Variants in C8orf34 observed in about 807,000 individuals in gnomAD.
C8orf34 encodes chromosome 8 open reading frame 34, also known as uncharacterized protein C8orf34.
Under a neutral mutation model 68.3 loss-of-function variants are expected in C8orf34, and 65 were observed. The ratio of observed to expected loss-of-function variants is 0.95; its 90% CI spans 0.78 to 1.17. The LOEUF (loss-of-function observed/expected upper bound fraction) is 1.17. Among genes scored for constraint, C8orf34 ranks in the 50% most tolerant of loss-of-function variants. The pLI is 0.00. For missense variants in C8orf34, 664 were observed against 655.4 expected, an observed-to-expected ratio of 1.01 and a Z score of -0.14; for synonymous variants, 244 against 241.2, an observed-to-expected ratio of 1.01 and a Z score of -0.11.
At chr8:68,770,288 G>A (rs1177729058) in intron 10 of C8orf34, among the ~76,000 whole-genome samples, 3 of 152,148 alleles carry the variant, frequency 2.0e-5, no homozygotes, top group Non-Finnish European at 2.9e-5. Context: ...AAGATACCAT[G>A]CCTAATAATT....
At chr8:68,523,386 T>G (rs952488777) in intron 6 of C8orf34, among the ~76,000 whole-genome samples, 2 of 152,186 alleles carry the variant, frequency 1.3e-5, no homozygotes, top group East Asian at 1.9e-4. Flanking sequence ...CTAGCTTCAG[T>G]GAGCTCTTAT....
At chr8:68,687,146 C>T (rs1321211376) in intron 8 of C8orf34, among the ~76,000 whole-genome samples, 2 of 152,070 alleles carry the variant, frequency 1.3e-5, no homozygotes, top group African/African-American at 2.4e-5. Context: ...ACATCCCATG[C>T]TAATAGATGG....
At chr8:68,398,384 C>T (rs1397490026) in intron 1 of C8orf34, among the ~76,000 whole-genome samples, 1 of 152,050 alleles carries the variant, frequency 6.6e-6, no homozygotes, top group Non-Finnish European at 1.5e-5. Flanking sequence ...TAAATATATG[C>T]TCATAGGTTG....
intron 1 of C8orf34, among the ~76,000 whole-genome samples, chr8:68,385,404 T>A (rs549411204): frequency 6.6e-6 from 1 of 152,168 alleles, no homozygotes; most frequent in Non-Finnish European, 1.5e-5. Context: ...AGGAATAGCA[T>A]TTTTAGTTTT....
intron 5 of C8orf34, among the ~76,000 whole-genome samples, chr8:68,498,610 G>A (rs1377247259): frequency 2.0e-5 from 3 of 152,102 alleles, no homozygotes; most frequent in Admixed American, 6.6e-5. Context: ...TGTGCTTTGC[G>A]TGATATACAG....
chr8:68,576,253 A>G (rs1347383), intron 7 of C8orf34, among the ~76,000 whole-genome samples: 35 of 151,842 alleles, frequency 2.3e-4, no homozygotes, highest in Non-Finnish European at 4.4e-4. Flanking sequence ...CATTGTAATT[A>G]TGTAGATGTA....
At chr8:68,794,592 C>T (rs981434159) in intron 12 of C8orf34, among the ~76,000 whole-genome samples, 3 of 146,822 alleles carry the variant, frequency 2.0e-5, no homozygotes, top group Non-Finnish European at 4.5e-5. Context: ...GCAGCCTCAA[C>T]CTTCTGGGGC....
chr8:68,396,141 A>G (rs1808696310), intron 1 of C8orf34, among the ~76,000 whole-genome samples: 1 of 152,008 alleles, frequency 6.6e-6, no homozygotes, highest in Non-Finnish European at 1.5e-5. Context: ...CAACCCCTGC[A>G]CACTGTGACC....
intron 10 of C8orf34, among the ~76,000 whole-genome samples, chr8:68,740,736 G>C (rs984171785): frequency 2.0e-5 from 3 of 152,002 alleles, no homozygotes; most frequent in Admixed American, 2.0e-4. Context: ...CCCATTACTG[G>C]GTATATTCTC....
In C8orf34 at chr8:68,703,792, T is replaced by A. The variant is rs138404594; in HGVS notation, c.1242-5202T>A. Among the ~76,000 whole-genome samples the A allele has an allele frequency of 1.8e-3, 268 of 152,120 alleles. 1 individual carries two copies. Among genetic ancestry groups the A allele is most frequent in the African/African-American group, 6.2e-3 (259 of 41,498 alleles). ...TGTGTTGCCTTTCCTCCTTTCATGT[T>A]TTATACTCATGTCCCTCACTCCTGC... is the stretch of plus-strand genomic sequence containing the variant. On this transcript the variant is annotated intron_variant, in intron 8 of 13. Transcript: ENST00000518698.
intron 12 of C8orf34, among the ~76,000 whole-genome samples, chr8:68,810,910 C>G (rs995828041): frequency 6.6e-6 from 1 of 152,184 alleles, no homozygotes; most frequent in African/African-American, 2.4e-5. Flanking sequence ...CTAGGAGAAG[C>G]ATCATAAGTT....
At chr8:68,627,075 A>C (rs1042836386) in intron 7 of C8orf34, among the ~76,000 whole-genome samples, 2 of 152,142 alleles carry the variant, frequency 1.3e-5, no homozygotes, top group African/African-American at 2.4e-5. Flanking sequence ...ATTTGAAAAA[A>C]ATTACACATT....
rs1332535200 is a variant in C8orf34 at position 68,774,327 on chromosome 8, G to GTATATATA, written c.1405-2071_1405-2070insATATATAT. On this transcript the variant is annotated intron_variant, in intron 10 of 13. Coordinates refer to ENST00000518698, the MANE Select transcript of C8orf34 (RefSeq NM_052958.4). The stretch of plus-strand genomic sequence containing the variant: ...TATCTATGTATAAAAATATGGGTGT[G>GTATATATA]TGTGTATATATATATATATATAAAA... Among the ~76,000 whole-genome samples, 37 of 96,104 alleles carry GTATATATA rather than the reference G, an allele frequency of 3.8e-4. 4 individuals carry two copies. Among genetic ancestry groups the GTATATATA allele is most frequent in the African/African-American group, 1.3e-3 (28 of 21,580 alleles). The allele number at this position is 96,104 out of a possible 152,430, so 63.0% of individuals were successfully genotyped here. A position where few individuals can be genotyped will look rare whatever the true frequency, so the allele number is the denominator to read the frequency against.
At chr8:68,645,882 A>T (rs1342736110) in intron 8 of C8orf34, among the ~76,000 whole-genome samples, 1 of 152,070 alleles carries the variant, frequency 6.6e-6, no homozygotes, top group Non-Finnish European at 1.5e-5. Context: ...ATGCTACCCT[A>T]AATAGGGCGC....
chr8:68,799,895 T>C (rs1563676926), intron 12 of C8orf34, among the ~76,000 whole-genome samples: 6 of 152,140 alleles, frequency 3.9e-5, no homozygotes, highest in Admixed American at 3.9e-4. Context: ...GCATAATATT[T>C]TGAAGGGCAG....
At chr8:68,773,957 G>A (rs1823428343) in intron 10 of C8orf34, among the ~76,000 whole-genome samples, 1 of 152,052 alleles carries the variant, frequency 6.6e-6, no homozygotes, top group African/African-American at 2.4e-5. Flanking sequence ...CAGACAAACG[G>A]GAAAAACCAC....
chr8:68,818,840 G>A lies in C8orf34; in HGVS notation c.*594G>A, dbSNP rs1003708524. 3 of 151,982 alleles carry A rather than the reference G, an allele frequency of 2.0e-5. No homozygotes were observed. The highest frequency in any genetic ancestry group is 2.9e-5 in the Non-Finnish European group (2 of 67,994). 9.4% of individuals were successfully genotyped at this position (151,982 alleles called of 1,614,324 possible). ...ATAATTGATATGTTAATTAAGTAAA[G>A]CAAATCAATAAGGAATGAAATGCAT... On this transcript the variant is annotated 3_prime_UTR_variant, in exon 14 of 14. Coordinates refer to ENST00000518698, the MANE Select transcript of C8orf34 (RefSeq NM_052958.4).
intron 7 of C8orf34, among the ~76,000 whole-genome samples, chr8:68,611,483 C>T (rs377708925): frequency 4.6e-5 from 7 of 152,208 alleles, no homozygotes; most frequent in African/African-American, 1.7e-4. Flanking sequence ...TACTTTTATA[C>T]CTTTAGAGTC....
intron 1 of C8orf34, among the ~76,000 whole-genome samples, chr8:68,393,943 C>G (rs1344257741): frequency 6.6e-6 from 1 of 152,026 alleles, no homozygotes; most frequent in Non-Finnish European, 1.5e-5. Flanking sequence ...GGAGTGAAAA[C>G]TGAAGAGAGG....
Sources: gnomAD v4.1 joint callset for allele counts (sites outside exome capture counted in the v4.1 genomes callset) on GRCh38, gnomAD v4.1.1 for gene constraint, MANE v1.5 for transcripts, NCBI Gene and HGNC (gene_info 2026-07-23, HGNC 2026-07-21) for gene names.